The following JAM3 variants were observed in gnomAD, a reference collection of about 807,000 sequenced individuals.
JAM3 encodes junctional adhesion molecule C.
JAM3 carries 31 observed loss-of-function variants against 39.4 expected under a neutral mutation model. The observed-to-expected ratio is 0.79, with a 90% confidence interval of 0.59 to 1.06. The LOEUF (loss-of-function observed/expected upper bound fraction) is 1.06. Ranked by LOEUF, JAM3 falls within the 50% of genes least tolerant of loss-of-function variation. The pLI, the probability that JAM3 is intolerant of heterozygous loss-of-function variation, is 0.00. For missense variants in JAM3, 455 were observed against 391.4 expected, an observed-to-expected ratio of 1.16 and a Z score of -1.37; for synonymous variants, 182 against 148.7, an observed-to-expected ratio of 1.22 and a Z score of -1.63.
chr11:134,129,081 C>A (rs1565499271), intron 1 of JAM3, among the ~76,000 whole-genome samples: 1 of 151,392 alleles, frequency 6.6e-6, no homozygotes, highest in Admixed American at 6.6e-5. Context: ...CTCATATTAT[C>A]TTTCCCCTGT....
intron 8 of JAM3, 107 bp from the exon 9 acceptor site, chr11:134,149,039 A>T: frequency 7.3e-7 from 1 of 1,365,230 alleles, no homozygotes; most frequent in Non-Finnish European, 1.0e-6. Context: ...GGTACTTTTT[A>T]AGAATGATTA....
intron 1 of JAM3, among the ~76,000 whole-genome samples, chr11:134,107,741 T>G (rs190907406): frequency 1.1e-3 from 172 of 152,194 alleles, no homozygotes; most frequent in African/African-American, 4.0e-3. Context: ...TAGATGCCTG[T>G]AGTCCCAGCT....
chr11:134,094,326 A>C (rs1177015132), intron 1 of JAM3, among the ~76,000 whole-genome samples: 1 of 133,532 alleles, frequency 7.5e-6, no homozygotes, highest in African/African-American at 2.9e-5. Flanking sequence ...GTTCCACCTT[A>C]CATCTTATTC....
chr11:134,135,509 A>G (rs1229139466), intron 1 of JAM3, among the ~76,000 whole-genome samples: 3 of 151,308 alleles, frequency 2.0e-5, no homozygotes, highest in Admixed American at 6.6e-5. Flanking sequence ...TGTTAGCTCC[A>G]TGAGAGCACA....
In JAM3 at chr11:134,150,400, G is replaced by GC. The variant is rs961592232; in HGVS notation, c.*1220dup. 2 of 152,312 alleles carry GC rather than the reference G, an allele frequency of 1.3e-5. No individual in the cohort carries two copies. The highest frequency in any genetic ancestry group is 4.8e-5 in the African/African-American group (2 of 41,450). 9.4% of individuals were successfully genotyped at this position (152,312 alleles called of 1,614,324 possible). ...CAGTCAGCTCCTGGGGTTGCGCCAG[G>GC]CGCCCCCGCTCTAGCTCACTGTTGC... is the stretch of plus-strand genomic sequence containing the variant. On this transcript the variant is annotated 3_prime_UTR_variant, in exon 9 of 9. Coordinates refer to ENST00000299106, the MANE Select transcript of JAM3 (RefSeq NM_032801.5).
intron 1 of JAM3, among the ~76,000 whole-genome samples, chr11:134,105,846 AGAG>A (rs927778548): frequency 2.5e-4 from 38 of 152,350 alleles, no homozygotes; most frequent in African/African-American, 8.9e-4. Context: ...ACGAAATAAA[AGAG>A]GACACAAACA....
Position 134,139,715 on chromosome 11 carries a change from T to C in JAM3, c.77-136T>C. The C allele has an allele frequency of 9.5e-6, 7 of 734,370 alleles. 1 individual carries two copies. The South Asian group carries it at 1.0e-4, about 11-fold the overall frequency. The allele number at this position is 734,370 out of a possible 1,614,324, so 45.5% of individuals were successfully genotyped here. A position where few individuals can be genotyped will look rare whatever the true frequency, so the allele number is the denominator to read the frequency against. On this transcript the variant is annotated intron_variant, in intron 1 of 8. Coordinates refer to ENST00000299106, the MANE Select transcript of JAM3 (RefSeq NM_032801.5). The stretch of plus-strand genomic sequence containing the variant: ...AGTTAACTTGGCTTACCTAAGAGAC[T>C]TTATTGTGGAATATTTTTCCATCCT...
At chr11:134,111,133 CTTTTTTTTTTTTTTTTTT>C (rs71038561) in intron 1 of JAM3, among the ~76,000 whole-genome samples, 11 of 86,746 alleles carry the variant, frequency 1.3e-4, no homozygotes, top group African/African-American at 6.1e-4. Context: ...ACACATCCAT[CTTTTTTTTTTTTTTTTTT>C]TTTTTTTTTT....
At chr11:134,121,318 T>C (rs906818281) in intron 1 of JAM3, among the ~76,000 whole-genome samples, 1 of 152,170 alleles carries the variant, frequency 6.6e-6, no homozygotes, top group Non-Finnish European at 1.5e-5. Context: ...GCTGCTAAAA[T>C]TGTTCCAAAT....
chr11:134,115,764 G>T (rs766754360), intron 1 of JAM3, among the ~76,000 whole-genome samples: 14 of 152,106 alleles, frequency 9.2e-5, no homozygotes, highest in African/African-American at 3.1e-4. Flanking sequence ...AGGCATAGTG[G>T]CACACACCTG....
chr11:134,140,747 T>A lies in JAM3; in HGVS notation c.233T>A (p.Val78Glu). 2 of 1,613,654 alleles carry A rather than the reference T, an allele frequency of 1.2e-6. No homozygotes were observed. Among genetic ancestry groups the A allele is most frequent in the Non-Finnish European group, 1.7e-6 (2 of 1,179,764 alleles). The change falls in exon 3 of 9, where the codon GTG becomes GAG. Residue 78 changes from valine (V) to glutamate (E), a missense_variant. Val to Glu is a moderately radical substitution (Grantham distance 121). Transcript: ENST00000299106. ...ATTCAAGATGAACAAACCACATATGTGTTTTTTGACAACAAAATTCAGGGT... is the reference window on the plus strand; with the variant it reads ...ATTCAAGATGAACAAACCACATATGAGTTTTTTGACAACAAAATTCAGGGT... ...KKIQDEQTTY[V>E]FFDNKIQGDL...
rs116943226 is a variant in JAM3 at position 134,146,579 on chromosome 11, A to G, written c.712+534A>G. The stretch of plus-strand genomic sequence containing the variant: ...TTTTTTTTCTTAAAAAACAAAAAAC[A>G]AAAAACACCACAGGGTCTTGCTTTG... On this transcript the variant is annotated intron_variant, in intron 6 of 8. Coordinates refer to ENST00000299106, the MANE Select transcript of JAM3 (RefSeq NM_032801.5). 8.9e-3 allele frequency among the ~76,000 whole-genome samples: 1,357 copies of G among 151,970 alleles called. 9 individuals carry two copies. The highest frequency in any genetic ancestry group is 0.012 in the Non-Finnish European group (797 of 67,954).
At chr11:134,146,240 C>G (rs1943068461) in intron 6 of JAM3, among the ~76,000 whole-genome samples, 195 bp downstream of exon 6, 2 of 152,146 alleles carry the variant, frequency 1.3e-5, no homozygotes, top group African/African-American at 4.8e-5. Context: ...AGCAGGTCCT[C>G]AAAACAAAAC....
rs543629650 is a variant in JAM3, at chr11:134,096,855, A to G, written c.76+27696A>G. Among the ~76,000 whole-genome samples the G allele has an allele frequency of 2.0e-5, 3 of 152,226 alleles. No individual in the cohort carries two copies. The East Asian group carries it at 5.8e-4, about 29-fold the overall frequency. On this transcript the variant is annotated intron_variant, in intron 1 of 8. Coordinates refer to ENST00000299106, the MANE Select transcript of JAM3 (RefSeq NM_032801.5). Reference sequence around the variant, plus strand: ...TGTACCAGTTAATAAAGGACTCCTCAGTTTGTGCTTTCTCATAATTCACCA... The same window carrying G: ...TGTACCAGTTAATAAAGGACTCCTCGGTTTGTGCTTTCTCATAATTCACCA...
At chr11:134,077,995 G>C (rs908066121) in intron 1 of JAM3, among the ~76,000 whole-genome samples, 2 of 152,082 alleles carry the variant, frequency 1.3e-5, no homozygotes, top group Non-Finnish European at 2.9e-5. Flanking sequence ...CTGAGTGACA[G>C]TGCCTGTCTC....
chr11:134,108,325 G>GCCC (rs1942241390), intron 1 of JAM3, among the ~76,000 whole-genome samples: 1 of 151,108 alleles, frequency 6.6e-6, no homozygotes. Context: ...AAAACTCCAG[G>GCCC]CCCAGATCAC....
intron 1 of JAM3, among the ~76,000 whole-genome samples, chr11:134,129,164 G>T (rs1942713726): frequency 6.6e-6 from 1 of 150,440 alleles, no homozygotes; most frequent in South Asian, 2.1e-4. Context: ...CTGTTGCCCA[G>T]GTTGGAGTGC....
chr11:134,077,650 CTTTTTTTTTTTTT>C (rs71038558), intron 1 of JAM3, among the ~76,000 whole-genome samples: 4 of 102,046 alleles, frequency 3.9e-5, no homozygotes, highest in South Asian at 3.3e-4. Flanking sequence ...TGGCTGGCGC[CTTTTTTTTTTTTT>C]TTTTTTTTTT....
intron 1 of JAM3, among the ~76,000 whole-genome samples, chr11:134,082,476 C>T (rs773365830): frequency 6.6e-6 from 1 of 151,958 alleles, no homozygotes; most frequent in East Asian, 1.9e-4. Context: ...GGGGGGGAAC[C>T]GATGGGAGAT....
Sources: allele counts gnomAD v4.1 joint callset (sites outside exome capture counted in the v4.1 genomes callset), GRCh38; gene constraint gnomAD v4.1.1; transcripts MANE v1.5; gene names NCBI Gene and HGNC (gene_info 2026-07-23, HGNC 2026-07-21).